JAK2: variants seen among roughly 807,000 people sequenced by gnomAD.
JAK2 encodes the protein Janus kinase 2.
JAK2 carries 86 observed loss-of-function variants against 139.3 expected under a neutral mutation model. The ratio of observed to expected loss-of-function variants is 0.62; its 90% confidence interval spans 0.52 to 0.74. The LOEUF (loss-of-function observed/expected upper bound fraction) is 0.74. Ranked by LOEUF, JAK2 falls within the 30% of genes least tolerant of loss-of-function variation. The probability of loss-of-function intolerance (pLI) is 0.00; values close to 1 mark genes in which losing one functional copy is unlikely to be tolerated. For synonymous variants in JAK2, 490 were observed against 437.7 expected (o/e 1.12, Z -1.49); for missense variants, 1,421 against 1,360.3 (o/e 1.04, Z -0.70).
At chr9:5,121,525 C>A (rs558471205) in intron 22 of JAK2, among the ~76,000 whole-genome samples, 28 of 152,276 alleles carry the variant, frequency 1.8e-4, no homozygotes, top group African/African-American at 6.3e-4. Flanking sequence ...AGTTAGGCTT[C>A]TACTCCCACA....
In JAK2 at chr9:5,070,007, G is replaced by A. The variant is rs1218765800; in HGVS notation, c.1596G>A (p.Met532Ile). 1.2e-6 allele frequency: 2 copies of A among 1,607,930 alleles called. No individual in the cohort carries two copies. Among genetic ancestry groups the A allele is most frequent in the South Asian group, 1.1e-5 (1 of 90,316 alleles). The change falls in exon 12 of 25, where the codon ATG (methionine) becomes ATA (isoleucine). Residue 532 changes from methionine to isoleucine, a missense_variant. Met to Ile is a conservative substitution (Grantham distance 10). Coordinates refer to ENST00000381652, the MANE Select transcript of JAK2 (RefSeq NM_004972.4). ...TSPTLQRPTH[M>I]NQMVFHKIRN... Reference sequence around the variant, plus strand: ...CAACATTACAGAGGCCTACTCATATGAACCAAATGGTGTTTCACAAAATCA... The same window carrying A: ...CAACATTACAGAGGCCTACTCATATAAACCAAATGGTGTTTCACAAAATCA...
At chr9:5,068,236 A>G (rs1350383927) in intron 10 of JAK2, among the ~76,000 whole-genome samples, 1 of 152,102 alleles carries the variant, frequency 6.6e-6, no homozygotes, top group East Asian at 1.9e-4. Context: ...ACCTTGAGGT[A>G]TTGGTAGATT....
chr9:5,098,697 CT>C (rs773825921), intron 22 of JAK2: 1,485 of 142,738 alleles, frequency 0.01, 11 homozygotes, highest in African/African-American at 0.028. Context: ...GCTTCAATTC[CT>C]TTTTTTTTTT....
chr9:4,992,841 C>T (rs1419994617), intron 2 of JAK2, among the ~76,000 whole-genome samples: 1 of 152,210 alleles, frequency 6.6e-6, no homozygotes, highest in Non-Finnish European at 1.5e-5. Flanking sequence ...TCTGCAACCT[C>T]ACTGGGCACA....
At chr9:5,018,743 T>C (rs1822227555) in intron 2 of JAK2, among the ~76,000 whole-genome samples, 1 of 152,212 alleles carries the variant, frequency 6.6e-6, no homozygotes, top group Admixed American at 6.5e-5. Context: ...TCAGAAAAAC[T>C]ATTTTTCCTT....
At chr9:5,109,325 T>C (rs1564012687) in intron 22 of JAK2, 1 of 152,170 alleles carries the variant, frequency 6.6e-6, no homozygotes, top group Non-Finnish European at 1.5e-5. Context: ...CATTAAATTG[T>C]GGATCTAATA....
At chr9:5,050,613 A>T (rs959907146) in intron 5 of JAK2, 73 bp from the exon 6 acceptor site, 2 of 1,428,828 alleles carry the variant, frequency 1.4e-6, no homozygotes, top group Non-Finnish European at 1.9e-6. Context: ...AATTATGATT[A>T]AAATATAATC....
intron 2 of JAK2, among the ~76,000 whole-genome samples, chr9:5,011,111 G>C (rs1380297039): frequency 6.6e-6 from 1 of 152,154 alleles, no homozygotes; most frequent in East Asian, 1.9e-4. Context: ...GTATAGATTG[G>C]ATTCAGATGA....
At chr9:5,055,421 A>T (rs1817694934) in intron 7 of JAK2, among the ~76,000 whole-genome samples, 1 of 152,006 alleles carries the variant, frequency 6.6e-6, no homozygotes, top group African/African-American at 2.4e-5. Flanking sequence ...ATGTTAATTG[A>T]ATTGAAGAGT....
chr9:5,080,343 G>C lies in JAK2; in HGVS notation c.2246G>C (p.Gly749Ala). 1 of 1,613,810 alleles carries C rather than the reference G, an allele frequency of 6.2e-7. No homozygotes were observed. Among genetic ancestry groups the C allele is most frequent in the Non-Finnish European group, 8.5e-7 (1 of 1,179,818 alleles). The change falls in exon 17 of 25, where the codon GGA becomes GCA. Residue 749 changes from glycine (G) to alanine (A), a missense_variant. By Grantham distance (60) the Gly-to-Ala change is moderately conservative (BLOSUM62 0). Transcript: ENST00000381652. ...ACCACTTTGTGGGAAATCTGCAGTG[G>C]AGGAGATAAACCTCTAAGTGCTCTG... The part of the protein sequence containing the change: ...FGTTLWEICS[G>A]GDKPLSALDS...
rs757917124 is a variant in JAK2, at chr9:5,065,039, T to G, written c.1213T>G (p.Ser405Ala). The G allele has an allele frequency of 1.9e-6, 3 of 1,576,304 alleles. No homozygotes were observed. In the South Asian group the frequency reaches 3.6e-5, roughly 19 times the overall value. ...ACAAAGCAACTGTCATGGCCCAATTTCGTGAGTAATACAGACTTAAAAGTA... is the reference window on the plus strand; with the variant it reads ...ACAAAGCAACTGTCATGGCCCAATTGCGTGAGTAATACAGACTTAAAAGTA... ...NIQSNCHGPISMDFAISKLKK... is the reference protein window; with the variant it reads ...NIQSNCHGPIAMDFAISKLKK... The change falls in exon 9 of 25, where the codon TCG (serine) becomes GCG (alanine). Residue 405 changes from serine to alanine, a missense_variant and splice_region_variant. Physicochemically the swap from Ser to Ala is moderately conservative, Grantham distance 99 (BLOSUM62 1). Coordinates refer to ENST00000381652, the MANE Select transcript of JAK2 (RefSeq NM_004972.4).
chr9:5,100,732 C>T (rs969272074), intron 22 of JAK2: 7 of 152,230 alleles, frequency 4.6e-5, no homozygotes, highest in East Asian at 1.9e-4. Flanking sequence ...CTATCCATCA[C>T]GATTACCTTA....
chr9:5,115,504 A>G (rs1320255077), intron 22 of JAK2, among the ~76,000 whole-genome samples: 1 of 152,158 alleles, frequency 6.6e-6, no homozygotes, highest in Admixed American at 6.5e-5. Flanking sequence ...ACAGTGTGGC[A>G]ATTCCTCCAG....
chr9:5,094,837 C>G (rs181285309), intron 22 of JAK2: 22 of 152,156 alleles, frequency 1.4e-4, no homozygotes, highest in Admixed American at 1.4e-3. Context: ...AACTCTGTAC[C>G]ATAAATTTCA....
intron 19 of JAK2, among the ~76,000 whole-genome samples, chr9:5,087,474 A>ACTGGTAGTTCTTTTAGT (rs146226026): frequency 6.6e-6 from 1 of 151,540 alleles, no homozygotes; most frequent in African/African-American, 2.4e-5. Flanking sequence ...AAACCATATC[A>ACTGGTAGTTCTTTTAGT]CTCCCTTACT....
chr9:5,006,051 G>T (rs1821278608), intron 2 of JAK2, among the ~76,000 whole-genome samples: 1 of 152,172 alleles, frequency 6.6e-6, no homozygotes, highest in South Asian at 2.1e-4. Context: ...GTAGCTTGAT[G>T]GGGATGGCAT....
intron 22 of JAK2, 106 bp downstream of exon 22, chr9:5,091,017 A>T (rs1156312721): frequency 2.3e-6 from 2 of 859,744 alleles, no homozygotes; most frequent in Non-Finnish European, 3.5e-6. Flanking sequence ...AACAGTGAAC[A>T]TTTAAGTCTT....
chr9:5,082,543 T>G (rs1389613745), intron 19 of JAK2, among the ~76,000 whole-genome samples: 1 of 152,222 alleles, frequency 6.6e-6, no homozygotes, highest in African/African-American at 2.4e-5. Context: ...CAGGAGACAG[T>G]GGCCTTCCTC....
chr9:5,123,071 G>A lies in JAK2; in HGVS notation c.3127G>A (p.Val1043Ile). Reference sequence around the variant, plus strand: ...CTCAGATGTTTGGAGCTTTGGAGTGGTTCTGTATGAACTTTTCACATACAT... The same window carrying A: ...CTCAGATGTTTGGAGCTTTGGAGTGATTCTGTATGAACTTTTCACATACAT... Reference protein sequence around the residue: ...VASDVWSFGVVLYELFTYIEK... With the variant: ...VASDVWSFGVILYELFTYIEK... The change falls in exon 23 of 25, where the codon GTT becomes ATT. Residue 1043 changes from valine to isoleucine, a missense_variant. By Grantham distance (29) the Val-to-Ile change is conservative (BLOSUM62 3). Transcript: ENST00000381652. 6.2e-7 allele frequency: 1 copy of A among 1,611,720 alleles called. No homozygotes were observed. The highest frequency in any genetic ancestry group is 1.1e-5 in the South Asian group (1 of 90,804).
Sources: allele counts gnomAD v4.1 joint callset (sites outside exome capture counted in the v4.1 genomes callset), GRCh38; gene constraint gnomAD v4.1.1; transcripts MANE v1.5; gene names NCBI Gene and HGNC (gene_info 2026-07-23, HGNC 2026-07-21).